EGLN2: variants seen among roughly 807,000 people sequenced by gnomAD.
EGLN2 encodes the protein egl-9 family hypoxia inducible factor 2.
In EGLN2, 15 loss-of-function variants were observed where a neutral mutation model predicts 38.2. The ratio of observed to expected loss-of-function variants is 0.39; its 90% CI spans 0.26 to 0.60. EGLN2 has a LOEUF of 0.60. Ranked by LOEUF, EGLN2 falls within the 20% of genes least tolerant of loss-of-function variation. EGLN2 has a pLI of 0.50. For missense variants in EGLN2, 492 were observed against 570.4 expected, an observed-to-expected ratio of 0.86 and a Z score of 1.40; for synonymous variants, 284 against 237.4, an observed-to-expected ratio of 1.20 and a Z score of -1.81.
intron 2 of EGLN2, among the ~76,000 whole-genome samples, chr19:40,803,724 G>A (rs1324451959): frequency 6.6e-6 from 1 of 152,170 alleles, no homozygotes; most frequent in Non-Finnish European, 1.5e-5. Context: ...CCCACTGGCA[G>A]CAAGGGCTAC....
chr19:40,806,899 T>C (rs1054486829), intron 3 of EGLN2: 1 of 909,052 alleles, frequency 1.1e-6, no homozygotes. Flanking sequence ...GGAATGGTGC[T>C]GTCTGCCCAG....
At position 40,807,895 on chromosome 19, in the gene EGLN2, C is replaced by G. The variant is rs1254720396; in HGVS notation, c.*31C>G. ...AGTCCCAGAGCCGCATGGCAGACAG[C>G]TTAAATGACTTCAGGAGAGCCCTGG... On this transcript the variant is annotated 3_prime_UTR_variant, in exon 6 of 6. Transcript: ENST00000303961. The G allele has an allele frequency of 6.2e-7, 1 of 1,608,796 alleles. No homozygotes were observed. Among genetic ancestry groups the G allele is most frequent in the Non-Finnish European group, 8.5e-7 (1 of 1,175,606 alleles).
Position 40,801,022 on chromosome 19 carries a change from G to GAGCTGC in EGLN2, c.460_465dup (p.Cys154_Ser155dup), listed in dbSNP as rs778285867. The GAGCTGC allele has an allele frequency of 2.5e-6, 4 of 1,613,190 alleles. No individual in the cohort carries two copies. Among genetic ancestry groups the GAGCTGC allele is most frequent in the East Asian group, 2.2e-5 (1 of 44,880 alleles). ...AGGAGGCAGAGCGGGAGGGTGGCATGAGCTGCAGCTGCAGCAGTGGCAGTG... is the reference window on the plus strand; with the variant it reads ...AGGAGGCAGAGCGGGAGGGTGGCATGAGCTGCAGCTGCAGCTGCAGCAGTGGCAGTG... On this transcript the variant is annotated inframe_insertion, in exon 2 of 6. Coordinates refer to ENST00000303961, the MANE Select transcript of EGLN2 (RefSeq NM_080732.4).
At position 40,800,488 on chromosome 19, in the gene EGLN2, TGGAGGC is replaced by T. The variant is rs1381770705; in HGVS notation, c.-79_-74del. The T allele has an allele frequency of 2.2e-5, 32 of 1,461,280 alleles. No individual in the cohort carries two copies. Among genetic ancestry groups the T allele is most frequent in the Non-Finnish European group, 2.8e-5 (31 of 1,109,530 alleles). 90.5% of individuals were successfully genotyped at this position (1,461,280 alleles called of 1,614,324 possible). On this transcript the variant is annotated 5_prime_UTR_variant, in exon 2 of 6. Transcript: ENST00000303961. ...CCCGGTGGCCCCCAGCTGCATCAAG[TGGAGGC>T]GGAGGAGGAGGCGGAGGAGGGTGGC...
At position 40,808,005 on chromosome 19, in the gene EGLN2, T is replaced by C. The variant is rs1001610245; in HGVS notation, c.*141T>C. 13 of 808,688 alleles carry C rather than the reference T, an allele frequency of 1.6e-5. No individual in the cohort carries two copies. The highest frequency in any genetic ancestry group is 1.8e-5 in the Non-Finnish European group (9 of 503,406). 50.1% of individuals were successfully genotyped at this position (808,688 alleles called of 1,614,324 possible). ...GCCTGGTGTGGAGGGCTCTGTCTGT[T>C]GCTGAGGACCAAGGAGGAGAAGAGA... On this transcript the variant is annotated 3_prime_UTR_variant, in exon 6 of 6. Transcript: ENST00000303961.
intron 5 of EGLN2, 106 bp from the exon 6 acceptor site, chr19:40,807,703 A>G (rs1599764346): frequency 7.0e-7 from 1 of 1,436,864 alleles, no homozygotes; most frequent in East Asian, 2.3e-5. Context: ...CTGGTACCCC[A>G]ACAGGAGCCC....
chr19:40,808,048 T>C lies in EGLN2; in HGVS notation c.*184T>C, dbSNP rs1270638051. On this transcript the variant is annotated 3_prime_UTR_variant, in exon 6 of 6. Coordinates refer to ENST00000303961, the MANE Select transcript of EGLN2 (RefSeq NM_080732.4). ...AGAAGAGACCTTTGCTGCCCCATCA[T>C]GGGGGCTGGGGTTGTCACCTGGACA... is the stretch of plus-strand genomic sequence containing the variant. 16 of 642,650 alleles carry C rather than the reference T, an allele frequency of 2.5e-5. No individual in the cohort carries two copies. 39.8% of individuals were successfully genotyped at this position (642,650 alleles called of 1,614,324 possible).
rs779156030 is a variant in EGLN2 at position 40,807,248 on chromosome 19, C to T, written c.1074C>T (p.His358=). The T allele has an allele frequency of 1.2e-5, 20 of 1,614,042 alleles. No homozygotes were observed. The highest frequency in any genetic ancestry group is 1.0e-4 in the Admixed American group (6 of 60,004). Residue 358 remains histidine (H), a synonymous_variant, in exon 4 of 6, where the codon CAC becomes CAT. Transcript: ENST00000303961. The part of the protein sequence containing the change: ...LIFWSDRRNP[H]EVKPAYATRY... The stretch of plus-strand genomic sequence containing the variant: ...TCTGGTCTGACCGGCGGAACCCCCA[C>T]GAGGTGAAGCCAGCCTATGCCACCA...
At chr19:40,804,666 A>G (rs3733829) in intron 2 of EGLN2, 44,019 of 152,242 alleles carry the variant, frequency 0.29, 7,948 homozygotes, top group Admixed American at 0.43. Context: ...GGTCTTGCCC[A>G]TCTCTAGTCA....
Position 40,808,098 on chromosome 19 carries a change from T to TA in EGLN2, c.*235dup, listed in dbSNP as rs2145094709. On this transcript the variant is annotated 3_prime_UTR_variant, in exon 6 of 6. Transcript: ENST00000303961. ...AGGGGGCAGCCGTGGAGGCCACCGTTACCAACTGAAGCTGGGGGCCTGGGT... is the reference window on the plus strand; with the variant it reads ...AGGGGGCAGCCGTGGAGGCCACCGTTAACCAACTGAAGCTGGGGGCCTGGGT... The TA allele has an allele frequency of 1.0e-5, 6 of 589,172 alleles. No homozygotes were observed. The South Asian group carries it at 1.2e-4, about 12-fold the overall frequency. 36.5% of individuals were successfully genotyped at this position (589,172 alleles called of 1,614,324 possible). A position where few individuals can be genotyped will look rare whatever the true frequency, so the allele number is the denominator to read the frequency against.
In EGLN2 at chr19:40,801,060, C is replaced by T. The variant is rs371954705; in HGVS notation, c.488C>T (p.Ala163Val). Residue 163 changes from alanine to valine, a missense_variant, in exon 2 of 6, where the codon GCT (alanine) becomes GTT (valine). Ala to Val is a moderately conservative substitution (Grantham distance 64). Transcript: ENST00000303961. ...AGCAGTGGCAGTGGTGAGGCCAGTG[C>T]TGGGCTGATGGAGGAGGCGCTGCCC... ...SCSSGSGEAS[A>V]GLMEEALPSA... 2.0e-5 allele frequency: 32 copies of T among 1,612,880 alleles called. No homozygotes were observed. The highest frequency in any genetic ancestry group is 2.6e-5 in the Non-Finnish European group (31 of 1,179,850).
chr19:40,807,203 CTT>C lies in EGLN2; in HGVS notation c.1031_1032del (p.Phe344Ter). On this transcript the variant is annotated frameshift_variant, in exon 4 of 6. Coordinates refer to ENST00000303961, the MANE Select transcript of EGLN2 (RefSeq NM_080732.4). LOFTEE classifies it high-confidence loss of function. Reference protein sequence around the residue: ...RPVVANIEPLFDRLLIFWSDR... With the variant: ...RPVVANIEPLXDRLLIFWSDR... ...CCGTGGTAGCCAACATCGAGCCACTCTTTGACCGGTTGCTCATTTTCTGGTCT... is the reference window on the plus strand; with the variant it reads ...CCGTGGTAGCCAACATCGAGCCACTCTGACCGGTTGCTCATTTTCTGGTCT... The C allele has an allele frequency of 6.2e-7, 1 of 1,614,206 alleles. No individual in the cohort carries two copies. Among genetic ancestry groups the C allele is most frequent in the South Asian group, 1.1e-5 (1 of 91,088 alleles).
intron 2 of EGLN2, among the ~76,000 whole-genome samples, chr19:40,802,546 A>G (rs2083269959): frequency 6.6e-6 from 1 of 152,250 alleles, no homozygotes; most frequent in Admixed American, 6.5e-5. Flanking sequence ...AGAATCTGTC[A>G]GAGGCCACAG....
rs564943359 is a variant in EGLN2 at position 40,806,756 on chromosome 19, C to T, written c.963+82C>T. 15 of 1,554,044 alleles carry T rather than the reference C, an allele frequency of 9.7e-6. 1 individual carries two copies. In the South Asian group the frequency reaches 1.7e-4, roughly 18 times the overall value. ...GCGTGCGTCCACTCCATTTTCCACT[C>T]TCAGCCCAGATTCTGGCATTCTCCT... On this transcript the variant is annotated intron_variant, in intron 3 of 5. Transcript: ENST00000303961.
At chr19:40,807,356 CG>C in intron 4 of EGLN2, 82 bp downstream of exon 4, 1 of 1,605,436 alleles carries the variant, frequency 6.2e-7, no homozygotes, top group South Asian at 1.1e-5. Context: ...GACTAGGGAG[CG>C]ACGAAGTATT....
rs2083281396 is a variant in EGLN2 at position 40,803,828 on chromosome 19, G to GT, written c.843+2414dup. Among the ~76,000 whole-genome samples the GT allele has an allele frequency of 2.0e-5, 3 of 152,242 alleles. No individual in the cohort carries two copies. The South Asian group carries it at 6.2e-4, about 32-fold the overall frequency. ...AGTCACAGGCTTCTGACTGGGGTGT[G>GT]TGTGTAGTGGGGGTGGGGCTCTTGG... is the stretch of plus-strand genomic sequence containing the variant. On this transcript the variant is annotated intron_variant, in intron 2 of 5. Coordinates refer to ENST00000303961, the MANE Select transcript of EGLN2 (RefSeq NM_080732.4).
Position 40,807,861 on chromosome 19 carries a change from C to T in EGLN2, c.1221C>T (p.Thr407=), listed in dbSNP as rs780859020. Residue 407 remains threonine (T), a synonymous_variant, in exon 6 of 6, where the codon ACC becomes ACT. Coordinates refer to ENST00000303961, the MANE Select transcript of EGLN2 (RefSeq NM_080732.4). ...QVPVSQPPTP[T] ...CTGTATCACAGCCGCCTACGCCCAC[C>T]TAGTGGCCAGTCCCAGAGCCGCATG... 1.2e-6 allele frequency: 2 copies of T among 1,614,148 alleles called. No individual in the cohort carries two copies. Among genetic ancestry groups the T allele is most frequent in the Non-Finnish European group, 1.7e-6 (2 of 1,179,990 alleles).
rs759828881 is a variant in EGLN2, at chr19:40,806,678, G to A, written c.963+4G>A. On this transcript the variant is annotated splice_donor_region_variant and intron_variant, in intron 3 of 5. Coordinates refer to ENST00000303961, the MANE Select transcript of EGLN2 (RefSeq NM_080732.4). ...GAATCAGAACTGGGACGTTAAGGTA[G>A]GGGTGAGGGTGAGGGTGAGGGTGGC... is the stretch of plus-strand genomic sequence containing the variant. 2.5e-6 allele frequency: 4 copies of A among 1,613,736 alleles called. No homozygotes were observed. Among genetic ancestry groups the A allele is most frequent in the Non-Finnish European group, 3.4e-6 (4 of 1,179,730 alleles).
chr19:40,803,391 T>C (rs1316484776), intron 2 of EGLN2, among the ~76,000 whole-genome samples: 1 of 151,802 alleles, frequency 6.6e-6, no homozygotes, highest in Non-Finnish European at 1.5e-5. Flanking sequence ...ACCTTGATTG[T>C]CCTAGGGAAG....
Sources: allele counts gnomAD v4.1 joint callset (sites outside exome capture counted in the v4.1 genomes callset), GRCh38; gene constraint gnomAD v4.1.1; transcripts MANE v1.5; gene names NCBI Gene and HGNC (gene_info 2026-07-23, HGNC 2026-07-21).